Variants in NLRP13 observed in about 807,000 individuals in gnomAD.
The protein encoded by NLRP13 is NACHT, LRR and PYD domains-containing protein 13.
A neutral mutation model predicts 94.4 loss-of-function variants in NLRP13; 82 were observed. The ratio of observed to expected loss-of-function variants is 0.87; its 90% CI spans 0.73 to 1.04. The LOEUF (loss-of-function observed/expected upper bound fraction) is 1.04, where lower values mean the gene tolerates loss of function less well. Ranked by LOEUF, NLRP13 falls within the 50% of genes least tolerant of loss-of-function variation. The pLI, the probability that NLRP13 is intolerant of heterozygous loss-of-function variation, is 0.00. For missense variants in NLRP13, 1,426 were observed against 1,230.8 expected, an observed-to-expected ratio of 1.16 and a Z score of -2.37; for synonymous variants, 553 against 464.7, an observed-to-expected ratio of 1.19 and a Z score of -2.45.
intron 10 of NLRP13, among the ~76,000 whole-genome samples, chr19:55,898,263 G>A (rs1986070391): frequency 7.1e-6 from 1 of 140,982 alleles, no homozygotes; most frequent in African/African-American, 2.6e-5. Context: ...AGGCTGGAGT[G>A]CAATGGCACA....
chr19:55,905,643 A>T (rs1175036442), intron 7 of NLRP13, among the ~76,000 whole-genome samples: 1 of 151,400 alleles, frequency 6.6e-6, no homozygotes, highest in Non-Finnish European at 1.5e-5. Flanking sequence ...ACAGAGGGAG[A>T]CTCCATCTCA....
intron 1 of NLRP13, among the ~76,000 whole-genome samples, chr19:55,930,901 A>ATATATATATATATTTTTTT (rs1338071833): frequency 3.1e-5 from 3 of 98,286 alleles, no homozygotes; most frequent in Non-Finnish European, 5.6e-5. Flanking sequence ...TATATATAAA[A>ATATATATATATATTTTTTT]TTTTAACCAG....
chr19:55,916,713 G>A (rs1294612461), intron 4 of NLRP13, among the ~76,000 whole-genome samples: 3 of 152,124 alleles, frequency 2.0e-5, no homozygotes, highest in African/African-American at 7.2e-5. Context: ...CAAAAGGCGT[G>A]GGACTACATA....
At chr19:55,910,933 T>G (rs577822480) in intron 5 of NLRP13, among the ~76,000 whole-genome samples, 200 bp from the exon 6 acceptor site, 17 of 152,246 alleles carry the variant, frequency 1.1e-4, no homozygotes, top group Admixed American at 3.3e-4. Flanking sequence ...GCCAACATGG[T>G]GAAGCCCCGT....
At chr19:55,900,404 G>A (rs754203163) in intron 9 of NLRP13, among the ~76,000 whole-genome samples, 69 of 152,268 alleles carry the variant, frequency 4.5e-4, no homozygotes, top group Non-Finnish European at 7.1e-4. Context: ...TGACCCACGG[G>A]ATGGGCCTCA....
In NLRP13 at chr19:55,911,978, C is replaced by A; in HGVS notation, c.1839G>T (p.Met613Ile). 1 of 1,614,174 alleles carries A rather than the reference C, an allele frequency of 6.2e-7. No individual in the cohort carries two copies. The highest frequency in any genetic ancestry group is 8.5e-7 in the Non-Finnish European group (1 of 1,180,030). The change falls in exon 5 of 11, where the codon ATG (methionine) becomes ATT (isoleucine). Residue 613 changes from methionine to isoleucine, a missense_variant. By Grantham distance (10) the Met-to-Ile change is conservative (BLOSUM62 1). Transcript: ENST00000342929. ...TLHCKISPRV[M>I]EELLKWGEEL... ...CTTCTCCCCACTTTAATAATTCCTC[C>A]ATTACCCTGGGAGATATTTTACAAT...
rs796520240 is a variant in NLRP13, at chr19:55,931,728, A to C, written c.319+265T>G. ...CAGGCTCAAAAAAAAAAAAAAAAGAAAGAAAGAAAGAAAGAAAAAGGCTTA... is the reference window on the plus strand; with the variant it reads ...CAGGCTCAAAAAAAAAAAAAAAAGACAGAAAGAAAGAAAGAAAAAGGCTTA... On this transcript the variant is annotated intron_variant, in intron 1 of 10. Transcript: ENST00000342929. Among the ~76,000 whole-genome samples, 352 of 75,634 alleles carry C rather than the reference A, an allele frequency of 4.7e-3. 1 individual carries two copies. The highest frequency in any genetic ancestry group is 5.2e-3 in the African/African-American group (129 of 24,862). The allele number at this position is 75,634 out of a possible 152,430, so 49.6% of individuals were successfully genotyped here. A position where few individuals can be genotyped will look rare whatever the true frequency, so the allele number is the denominator to read the frequency against.
intron 4 of NLRP13, among the ~76,000 whole-genome samples, chr19:55,916,778 A>T (rs1027999566): frequency 4.6e-5 from 7 of 152,174 alleles, no homozygotes; most frequent in Admixed American, 2.6e-4. Flanking sequence ...AAGAGCAAAA[A>T]GTTTTAAAAA....
At chr19:55,914,852 C>T (rs557011326) in intron 4 of NLRP13, among the ~76,000 whole-genome samples, 5 of 152,266 alleles carry the variant, frequency 3.3e-5, no homozygotes, top group African/African-American at 1.2e-4. Context: ...GATTTCATAT[C>T]TTGGCTATTG....
In NLRP13 at chr19:55,912,382, G is replaced by A; in HGVS notation, c.1435C>T (p.Gln479Ter). 6.2e-7 allele frequency: 1 copy of A among 1,614,132 alleles called. No individual in the cohort carries two copies. The highest frequency in any genetic ancestry group is 8.5e-7 in the Non-Finnish European group (1 of 1,180,022). ...GCCAGACTGCAGAGGGCCCTCCATT[G>A]TCCTGGCCAGCTGTCATCTGCCAAA... The part of the protein sequence containing the change: ...VDLADDSWPG[Q>*]WRALCSLAIE... The change falls in exon 5 of 11, where the codon CAA (glutamine) becomes TAA (stop). Residue 479 changes from glutamine to a stop codon, truncating the protein, a stop_gained. Coordinates refer to ENST00000342929, the MANE Select transcript of NLRP13 (RefSeq NM_176810.2). LOFTEE classifies it high-confidence loss of function.
chr19:55,926,162 G>C (rs1366052474), intron 1 of NLRP13, among the ~76,000 whole-genome samples: 1 of 152,102 alleles, frequency 6.6e-6, no homozygotes, highest in African/African-American at 2.4e-5. Flanking sequence ...CGAATCCAAC[G>C]ATGTGAGCCT....
downstream of NLRP13, among the ~76,000 whole-genome samples, chr19:55,894,270 G>A (rs1985938667): frequency 6.6e-6 from 1 of 151,908 alleles, no homozygotes; most frequent in Non-Finnish European, 1.5e-5. Flanking sequence ...TTGAACTCCT[G>A]GCCTCAAGTG....
chr19:55,895,838 A>G (rs1985991908), downstream of NLRP13: 3 of 1,267,738 alleles, frequency 2.4e-6, no homozygotes, highest in Admixed American at 4.2e-5. Flanking sequence ...GTTGGCCTGC[A>G]TGGCCTGAGG....
At chr19:55,914,639 A>T (rs1568696390) in intron 4 of NLRP13, among the ~76,000 whole-genome samples, 1 of 152,206 alleles carries the variant, frequency 6.6e-6, no homozygotes, top group Non-Finnish European at 1.5e-5. Flanking sequence ...CCCATATATT[A>T]GTGAGATGGG....
chr19:55,924,860 A>G (rs979788971), intron 2 of NLRP13, 107 bp downstream of exon 2: 1 of 1,011,080 alleles, frequency 9.9e-7, no homozygotes, highest in Non-Finnish European at 1.5e-6. Flanking sequence ...TTAATTTTTT[A>G]TGCACTATAA....
intron 8 of NLRP13, among the ~76,000 whole-genome samples, chr19:55,903,051 A>C (rs927217104): frequency 3.3e-5 from 5 of 151,640 alleles, no homozygotes; most frequent in Admixed American, 2.0e-4. Flanking sequence ...ATGATGTTAC[A>C]ATGTGTAGAA....
chr19:55,931,552 C>CA (rs1376568956), intron 1 of NLRP13, among the ~76,000 whole-genome samples: 16 of 150,682 alleles, frequency 1.1e-4, no homozygotes, highest in Middle Eastern at 3.4e-3. Flanking sequence ...ACTAAAAATA[C>CA]AAAAAAATTA....
chr19:55,900,401 C>T (rs1018748051), intron 9 of NLRP13, among the ~76,000 whole-genome samples: 2 of 152,200 alleles, frequency 1.3e-5, no homozygotes, highest in East Asian at 1.9e-4. Flanking sequence ...GTATGACCCA[C>T]GGGATGGGCC....
chr19:55,924,861 T>C, intron 2 of NLRP13, 106 bp downstream of exon 2: 1 of 1,016,576 alleles, frequency 9.8e-7, no homozygotes, highest in South Asian at 1.4e-5. Context: ...TAATTTTTTA[T>C]GCACTATAAA....
Sources: allele counts gnomAD v4.1 joint callset (sites outside exome capture counted in the v4.1 genomes callset), GRCh38; gene constraint gnomAD v4.1.1; transcripts MANE v1.5; gene names NCBI Gene and HGNC (gene_info 2026-07-23, HGNC 2026-07-21).